Variants in USP25 observed in about 807,000 individuals in gnomAD.
USP25 encodes ubiquitin specific peptidase 25.
A neutral mutation model predicts 158.5 loss-of-function variants in USP25; 85 were observed. That is an observed-to-expected ratio of 0.54 (90% CI 0.45 to 0.64). The LOEUF (loss-of-function observed/expected upper bound fraction) is 0.64, where lower values mean the gene tolerates loss of function less well. Ranked by LOEUF, USP25 falls within the 30% of genes least tolerant of loss-of-function variation. USP25 has a pLI of 0.00. For missense variants in USP25, 1,242 were observed against 1,327.3 expected, an observed-to-expected ratio of 0.94 and a Z score of 1.00; for synonymous variants, 464 against 460.4, an observed-to-expected ratio of 1.01 and a Z score of -0.10.
chr21:15,864,196 A>G, intron 20 of USP25, 72 bp from the exon 21 acceptor site: 1 of 1,463,450 alleles, frequency 6.8e-7, no homozygotes, highest in East Asian at 2.4e-5. Context: ...GAAGAATTAA[A>G]CTCATAATAT....
intron 3 of USP25, among the ~76,000 whole-genome samples, chr21:15,775,739 ACCCCC>A (rs57912569): frequency 7.1e-4 from 10 of 14,052 alleles, no homozygotes; most frequent in African/African-American, 2.8e-3. Context: ...AATGGTTGCC[ACCCCC>A]CCCCCCCCCC....
intron 4 of USP25, among the ~76,000 whole-genome samples, chr21:15,780,701 T>A (rs570356584): frequency 7.0e-4 from 106 of 152,292 alleles, no homozygotes; most frequent in Non-Finnish European, 1.4e-3. Flanking sequence ...GAAAGAAGGA[T>A]CATGTCCAGG....
At chr21:15,794,602 G>A (rs560951721) in intron 5 of USP25, among the ~76,000 whole-genome samples, 24 of 151,484 alleles carry the variant, frequency 1.6e-4, no homozygotes, top group Non-Finnish European at 3.0e-4. Flanking sequence ...TTTGGATGCC[G>A]AGAAGTAAGG....
At chr21:15,735,085 G>A (rs1405689488) in intron 1 of USP25, among the ~76,000 whole-genome samples, 1 of 152,180 alleles carries the variant, frequency 6.6e-6, no homozygotes, top group Admixed American at 6.5e-5. Context: ...TGATACACAA[G>A]CCCCTGCTCT....
chr21:15,827,752 T>G (rs560731641), intron 14 of USP25, among the ~76,000 whole-genome samples: 104 of 138,652 alleles, frequency 7.5e-4, no homozygotes, highest in African/African-American at 2.9e-3. Context: ...GTGTGTGCAC[T>G]TGTGTGCGTG....
rs114015474 is a variant in USP25 at position 15,741,360 on chromosome 21, C to T, written c.45+10922C>T. Reference sequence around the variant, plus strand: ...TACATTTGTAAGCAGGTCTTTGAGACGTATTTCTATTTCTCTTGGGCAAAT... The same window carrying T: ...TACATTTGTAAGCAGGTCTTTGAGATGTATTTCTATTTCTCTTGGGCAAAT... On this transcript the variant is annotated intron_variant, in intron 1 of 25. Transcript: ENST00000400183. Among the ~76,000 whole-genome samples, 1,154 of 150,598 alleles carry T rather than the reference C, an allele frequency of 7.7e-3. 9 individuals are homozygous for T. Among genetic ancestry groups the T allele is most frequent in the African/African-American group, 0.026 (1,071 of 40,862 alleles).
intron 20 of USP25, among the ~76,000 whole-genome samples, chr21:15,856,095 T>G (rs188406091): frequency 1.2e-3 from 186 of 152,342 alleles, no homozygotes; most frequent in Admixed American, 2.6e-3. Context: ...GGCATTGTCC[T>G]AAATCCAGGG....
intron 4 of USP25, among the ~76,000 whole-genome samples, chr21:15,786,960 A>G (rs1019022165): frequency 2.6e-5 from 4 of 152,098 alleles, no homozygotes; most frequent in Admixed American, 6.6e-5. Flanking sequence ...CAGCACTTCT[A>G]TATGCTAACG....
chr21:15,781,386 A>G (rs1055321614), intron 4 of USP25, among the ~76,000 whole-genome samples: 1 of 152,302 alleles, frequency 6.6e-6, no homozygotes, highest in Middle Eastern at 3.4e-3. Flanking sequence ...GTTTGATCAA[A>G]AGCTTTATTC....
intron 18 of USP25, among the ~76,000 whole-genome samples, chr21:15,845,204 C>A (rs368127094): frequency 7.6e-4 from 115 of 152,170 alleles, no homozygotes; most frequent in African/African-American, 2.6e-3. Context: ...TCTTATGAGA[C>A]CACTTTTTAA....
chr21:15,856,750 C>T (rs1157124358), intron 20 of USP25, among the ~76,000 whole-genome samples: 1 of 152,172 alleles, frequency 6.6e-6, no homozygotes, highest in African/African-American at 2.4e-5. Context: ...GGAGTACAGG[C>T]GTGAGCCACC....
intron 1 of USP25, 125 bp from the exon 2 acceptor site, chr21:15,762,766 T>G (rs970151492): frequency 6.2e-6 from 5 of 800,528 alleles, no homozygotes; most frequent in Non-Finnish European, 9.7e-6. Context: ...CTTTTTCCTT[T>G]TTTACTCTAG....
intron 23 of USP25, among the ~76,000 whole-genome samples, chr21:15,872,986 AAAT>A (rs1341929179): frequency 6.6e-6 from 1 of 152,194 alleles, no homozygotes; most frequent in African/African-American, 2.4e-5. Flanking sequence ...AAATATTTTA[AAAT>A]AATATTTTTT....
intron 25 of USP25, 81 bp from the exon 26 acceptor site, chr21:15,878,222 A>G: frequency 6.6e-7 from 1 of 1,518,980 alleles, no homozygotes; most frequent in South Asian, 1.3e-5. Flanking sequence ...TATTAGAGTA[A>G]GTTAATATTA....
In USP25 at chr21:15,766,050, T is replaced by C; in HGVS notation, c.177T>C (p.Ala59=). The stretch of plus-strand genomic sequence containing the variant: ...TGGCTTTCCTTACTGCGAAGAATGC[T>C]AAGACCCCTCAGCAGGAGGAGACAA... ...LAVAFLTAKN[A]KTPQQEETTY... Residue 59 remains alanine (A), a synonymous_variant, in exon 3 of 26, where the codon GCT becomes GCC. Coordinates refer to ENST00000400183, the MANE Select transcript of USP25 (RefSeq NM_001283041.3). The surrounding 1 kb of genome is among the most constrained non-coding windows in gnomAD (Gnocchi z 4.0). 1.2e-6 allele frequency: 2 copies of C among 1,610,928 alleles called. No individual in the cohort carries two copies. The highest frequency in any genetic ancestry group is 1.7e-6 in the Non-Finnish European group (2 of 1,178,262).
At position 15,770,938 on chromosome 21, in the gene USP25, T is replaced by C. The variant is rs907342663; in HGVS notation, c.268+4797T>C. On this transcript the variant is annotated intron_variant, in intron 3 of 25. Coordinates refer to ENST00000400183, the MANE Select transcript of USP25 (RefSeq NM_001283041.3). ...TGTTTATGTCTTCTGGCTTTTAAGA[T>C]TCTTGCAACATGATACCTTACTATG... is the stretch of plus-strand genomic sequence containing the variant. Among the ~76,000 whole-genome samples the C allele has an allele frequency of 1.2e-4, 18 of 152,352 alleles. No homozygotes were observed. In the South Asian group the frequency reaches 1.9e-3, roughly 16 times the overall value.
intron 5 of USP25, among the ~76,000 whole-genome samples, chr21:15,795,355 C>T (rs958162479): frequency 6.6e-6 from 1 of 151,506 alleles, no homozygotes; most frequent in African/African-American, 2.4e-5. Flanking sequence ...ACCTTTTTCC[C>T]CTATTTTCTA....
chr21:15,865,836 T>A (rs958644658), intron 21 of USP25, among the ~76,000 whole-genome samples: 2 of 152,164 alleles, frequency 1.3e-5, no homozygotes, highest in African/African-American at 2.4e-5. Context: ...TAAAATCCAG[T>A]GGGATGTTTC....
chr21:15,797,280 A>G (rs185851124), intron 5 of USP25, among the ~76,000 whole-genome samples: 3 of 151,528 alleles, frequency 2.0e-5, no homozygotes, highest in African/African-American at 7.2e-5. Context: ...TCAGGAAGCA[A>G]TAGGAATCAA....
Sources: gnomAD v4.1 joint callset for allele counts (sites outside exome capture counted in the v4.1 genomes callset) on GRCh38, gnomAD v4.1.1 for gene constraint, Gnocchi (gnomAD v3.1) non-coding constraint, MANE v1.5 for transcripts, NCBI Gene and HGNC (gene_info 2026-07-23, HGNC 2026-07-21) for gene names.